The following DPP4 variants were observed in gnomAD, a reference collection of about 807,000 sequenced individuals.
The protein encoded by DPP4 is dipeptidyl peptidase 4, also known as ADCP-2.
DPP4 carries 93 observed loss-of-function variants against 122.4 expected under a neutral mutation model. That is an observed-to-expected ratio of 0.76 (90% CI 0.64 to 0.90). DPP4 has a LOEUF of 0.90. Ranked by LOEUF, DPP4 falls within the 40% of genes least tolerant of loss-of-function variation. DPP4 has a pLI of 0.00. For synonymous variants in DPP4, 321 were observed against 302.9 expected (o/e 1.06, Z -0.62); for missense variants, 914 against 907.3 (o/e 1.01, Z -0.09).
At chr2:162,015,954 T>C (rs1682899364) in intron 18 of DPP4, among the ~76,000 whole-genome samples, 2 of 152,228 alleles carry the variant, frequency 1.3e-5, no homozygotes. Context: ...CTTGACCTGC[T>C]GGGTCAGAAT....
intron 19 of DPP4, among the ~76,000 whole-genome samples, chr2:162,012,318 A>T (rs901132571): frequency 1.4e-5 from 2 of 147,240 alleles, no homozygotes; most frequent in African/African-American, 2.5e-5. Flanking sequence ...GTTGTGGTAT[A>T]AAAAAAATGA....
At chr2:162,017,620 G>A (rs889606760) in intron 16 of DPP4, 23 of 157,056 alleles carry the variant, frequency 1.5e-4, no homozygotes, top group Admixed American at 5.7e-4. Context: ...GAGTCCCAGA[G>A]CCAGGCGGCA....
chr2:161,994,887 A>G lies in DPP4; in HGVS notation c.2199+74T>C. 2.1e-6 allele frequency: 3 copies of G among 1,443,850 alleles called. No homozygotes were observed. In the South Asian group the frequency reaches 3.4e-5, roughly 17 times the overall value. The allele number at this position is 1,443,850 out of a possible 1,614,324, so 89.4% of individuals were successfully genotyped here. On this transcript the variant is annotated intron_variant, in intron 25 of 25. Transcript: ENST00000360534. ...TTCTGTCCTGTCTGTGGCACTGCTA[A>G]AAGAATTAGCCCAGAAAGAGGAAAC...
At chr2:162,049,982 C>G (rs1684327347) in intron 2 of DPP4, among the ~76,000 whole-genome samples, 1 of 152,078 alleles carries the variant, frequency 6.6e-6, no homozygotes, top group South Asian at 2.1e-4. Flanking sequence ...CATTTCATCC[C>G]TAAAAGTTAG....
intron 2 of DPP4, among the ~76,000 whole-genome samples, chr2:162,065,037 A>G (rs1684903350): frequency 6.6e-6 from 1 of 152,230 alleles, no homozygotes; most frequent in Non-Finnish European, 1.5e-5. Flanking sequence ...AGAATTTTCA[A>G]TTCAACTTAG....
intron 19 of DPP4, among the ~76,000 whole-genome samples, chr2:162,013,529 T>C (rs1253272597): frequency 1.3e-5 from 2 of 152,168 alleles, no homozygotes; most frequent in Non-Finnish European, 2.9e-5. Flanking sequence ...CTCCCCACTT[T>C]TTTTTTCTCG....
At chr2:161,999,517 C>A (rs1187178515) in intron 23 of DPP4, among the ~76,000 whole-genome samples, 1 of 152,230 alleles carries the variant, frequency 6.6e-6, no homozygotes, top group Admixed American at 6.5e-5. Context: ...CGGAGAGCCC[C>A]GCTGCCAGCA....
intron 2 of DPP4, among the ~76,000 whole-genome samples, chr2:162,059,319 C>A (rs984509480): frequency 1.3e-5 from 2 of 152,040 alleles, no homozygotes; most frequent in Non-Finnish European, 2.9e-5. Flanking sequence ...AAGACTGATA[C>A]AATAATGGCC....
At chr2:162,009,832 A>T (rs1410900632) in intron 20 of DPP4, among the ~76,000 whole-genome samples, 1 of 152,084 alleles carries the variant, frequency 6.6e-6, no homozygotes, top group Non-Finnish European at 1.5e-5. Context: ...AGTACCGTGC[A>T]CTCAATAGAA....
intron 8 of DPP4, among the ~76,000 whole-genome samples, chr2:162,037,210 C>T (rs1030353819): frequency 2.0e-5 from 3 of 152,174 alleles, no homozygotes; most frequent in Admixed American, 6.6e-5. Flanking sequence ...CAATTATCTA[C>T]TTTAGAAAGA....
chr2:162,038,159 T>C, intron 8 of DPP4, 143 bp downstream of exon 8: 1 of 763,044 alleles, frequency 1.3e-6, no homozygotes, highest in Non-Finnish European at 2.0e-6. Flanking sequence ...TCTGGTGCTG[T>C]GAGTTCTAAG....
At chr2:162,022,901 T>G (rs752312906) in intron 11 of DPP4, 102 bp from the exon 12 acceptor site, 1 of 1,135,880 alleles carries the variant, frequency 8.8e-7, no homozygotes, top group Non-Finnish European at 1.3e-6. Context: ...TTATAATAAC[T>G]GAGAGCTATC....
chr2:162,073,582 A>G, intron 1 of DPP4, 96 bp from the exon 2 acceptor site: 2 of 1,041,076 alleles, frequency 1.9e-6, no homozygotes, highest in Non-Finnish European at 2.9e-6. Context: ...CAGGATTTGC[A>G]GGTGGGAGTG....
chr2:162,009,838 T>C (rs1682617306), intron 20 of DPP4, among the ~76,000 whole-genome samples: 1 of 152,130 alleles, frequency 6.6e-6, no homozygotes, highest in South Asian at 2.1e-4. Flanking sequence ...GTGCACTCAA[T>C]AGAAATAAAT....
intron 5 of DPP4, among the ~76,000 whole-genome samples, chr2:162,040,749 A>G (rs891821166): frequency 1.3e-5 from 2 of 152,060 alleles, no homozygotes; most frequent in African/African-American, 4.8e-5. Flanking sequence ...TAAACTATGG[A>G]CTTAAATTAA....
At chr2:162,036,452 A>T (rs1450343103) in intron 8 of DPP4, among the ~76,000 whole-genome samples, 2 of 152,206 alleles carry the variant, frequency 1.3e-5, no homozygotes, top group Non-Finnish European at 2.9e-5. Context: ...TAAGGCTCAC[A>T]ATAACCCATT....
intron 23 of DPP4, among the ~76,000 whole-genome samples, chr2:161,997,208 C>T (rs1191475826): frequency 6.6e-6 from 1 of 152,164 alleles, no homozygotes; most frequent in Non-Finnish European, 1.5e-5. Context: ...AAATTTTACT[C>T]ATGAACTCTC....
chr2:162,021,088 A>C (rs1683109391), intron 12 of DPP4, among the ~76,000 whole-genome samples: 2 of 152,124 alleles, frequency 1.3e-5, no homozygotes, highest in African/African-American at 2.4e-5. Context: ...TGAAACAGAC[A>C]TATTATTTTA....
At chr2:162,004,601 ACG>A (rs1421773644) in intron 23 of DPP4, among the ~76,000 whole-genome samples, 2 of 151,706 alleles carry the variant, frequency 1.3e-5, no homozygotes, top group African/African-American at 4.8e-5. Flanking sequence ...ACACACACAC[ACG>A]CACACACACA....
Sources: allele counts gnomAD v4.1 joint callset (sites outside exome capture counted in the v4.1 genomes callset), GRCh38; gene constraint gnomAD v4.1.1; transcripts MANE v1.5; gene names NCBI Gene and HGNC (gene_info 2026-07-23, HGNC 2026-07-21).